The following CNTN4 variants were observed in gnomAD, a reference collection of about 807,000 sequenced individuals.
The protein encoded by CNTN4 is contactin 4.
A neutral mutation model predicts 122.5 loss-of-function variants in CNTN4; 77 were observed. That is an observed-to-expected ratio of 0.63 (90% CI 0.52 to 0.76). The LOEUF (loss-of-function observed/expected upper bound fraction) is 0.76. Ranked by LOEUF, CNTN4 falls within the 30% of genes least tolerant of loss-of-function variation. CNTN4 has a pLI of 0.00. For synonymous variants in CNTN4, 512 were observed against 447.0 expected, an observed-to-expected ratio of 1.15 and a Z score of -1.83; for missense variants, 1,256 against 1,259.1, an observed-to-expected ratio of 1.00 and a Z score of 0.04.
rs553016530 is a variant in CNTN4 at position 2,169,446 on chromosome 3, A to G, written c.-145+68807A>G. Among the ~76,000 whole-genome samples, 632 of 151,994 alleles carry G rather than the reference A, an allele frequency of 4.2e-3. 2 individuals carry two copies. The highest frequency in any genetic ancestry group is 0.014 in the Middle Eastern group (4 of 294). ...TTTTGAGACGGAGTCTGGCTCTGTC[A>G]CTCAGGCTGGAGTGCGGTGGCGCGA... On this transcript the variant is annotated intron_variant, in intron 2 of 24. Coordinates refer to ENST00000418658, the MANE Select transcript of CNTN4 (RefSeq NM_175607.3).
At chr3:3,053,746 G>C (rs575643548) in intron 23 of CNTN4, 61 bp from the exon 24 acceptor site, 3 of 1,554,546 alleles carry the variant, frequency 1.9e-6, no homozygotes, top group African/African-American at 1.4e-5. Flanking sequence ...ACAAATGAAT[G>C]CTCCATATTT....
At chr3:2,963,154 T>A (rs934481482) in intron 13 of CNTN4, among the ~76,000 whole-genome samples, 2 of 152,202 alleles carry the variant, frequency 1.3e-5, no homozygotes, top group Admixed American at 1.3e-4. Flanking sequence ...TCACCGTTTC[T>A]CTAGTCTATG....
At chr3:2,557,698 C>T (rs747930283) in intron 3 of CNTN4, among the ~76,000 whole-genome samples, 25 of 149,778 alleles carry the variant, frequency 1.7e-4, no homozygotes, top group Non-Finnish European at 2.7e-4. Context: ...CACTGCACTC[C>T]AGCCTGGGCA....
intron 3 of CNTN4, among the ~76,000 whole-genome samples, chr3:2,405,863 C>T (rs1194799303): frequency 6.6e-6 from 1 of 151,826 alleles, no homozygotes; most frequent in African/African-American, 2.4e-5. Context: ...TCTCTACCTA[C>T]AAGAAATACA....
intron 3 of CNTN4, among the ~76,000 whole-genome samples, chr3:2,550,416 G>A (rs931696664): frequency 2.6e-5 from 4 of 152,162 alleles, no homozygotes; most frequent in African/African-American, 9.7e-5. Flanking sequence ...TCTCACACCA[G>A]TTAGAATGGT....
intron 5 of CNTN4, among the ~76,000 whole-genome samples, chr3:2,740,026 G>C (rs2089369469): frequency 6.6e-6 from 1 of 151,776 alleles, no homozygotes; most frequent in Non-Finnish European, 1.5e-5. Flanking sequence ...TGTTTTCCAA[G>C]TACCTTTTTT....
At chr3:2,488,171 A>C (rs552673202) in intron 3 of CNTN4, among the ~76,000 whole-genome samples, 1 of 152,356 alleles carries the variant, frequency 6.6e-6, no homozygotes, top group Non-Finnish European at 1.5e-5. Context: ...TAATTATCTA[A>C]GATGTTTAGA....
intron 15 of CNTN4, among the ~76,000 whole-genome samples, chr3:3,030,572 C>T (rs1235729833): frequency 3.3e-5 from 5 of 152,202 alleles, no homozygotes; most frequent in Non-Finnish European, 5.9e-5. Flanking sequence ...GTACGTAGGA[C>T]TTATGTAGCA....
At chr3:2,866,680 A>G in intron 7 of CNTN4, 72 bp from the exon 8 acceptor site, 1 of 1,421,826 alleles carries the variant, frequency 7.0e-7, no homozygotes, top group Non-Finnish European at 9.9e-7. Context: ...TAACCTGATC[A>G]TTTCTTTCAT....
intron 14 of CNTN4, among the ~76,000 whole-genome samples, chr3:2,991,503 C>T (rs1020354415): frequency 6.6e-6 from 1 of 152,070 alleles, no homozygotes; most frequent in Non-Finnish European, 1.5e-5. Context: ...CAGGAGTTAA[C>T]AATCCTGTTA....
chr3:2,333,033 T>G (rs569812926), intron 2 of CNTN4, among the ~76,000 whole-genome samples: 1 of 152,308 alleles, frequency 6.6e-6, no homozygotes, highest in East Asian at 1.9e-4. Flanking sequence ...GGATGTCCTA[T>G]AGACTGGAGC....
At chr3:2,815,873 C>CATATATATATAT (rs58111735) in intron 6 of CNTN4, among the ~76,000 whole-genome samples, 7 of 141,278 alleles carry the variant, frequency 5.0e-5, no homozygotes, top group African/African-American at 1.8e-4. Flanking sequence ...GAAACTATGG[C>CATATATATATAT]ATATATATAT....
intron 6 of CNTN4, among the ~76,000 whole-genome samples, chr3:2,749,327 A>AG (rs1343891973): frequency 1.8e-5 from 1 of 55,168 alleles, no homozygotes; most frequent in East Asian, 4.9e-4. Context: ...TGCCCAGATA[A>AG]GTTTTTTTTT....
intron 3 of CNTN4, among the ~76,000 whole-genome samples, chr3:2,460,128 C>G (rs1410374552): frequency 1.3e-5 from 2 of 151,982 alleles, no homozygotes; most frequent in Non-Finnish European, 2.9e-5. Flanking sequence ...AGGTCTTTCA[C>G]TTTTTCTGGG....
intron 2 of CNTN4, among the ~76,000 whole-genome samples, chr3:2,317,677 A>G (rs2043150946): frequency 6.6e-6 from 1 of 152,168 alleles, no homozygotes; most frequent in Non-Finnish European, 1.5e-5. Context: ...AATTTTTCTC[A>G]CACAGTGCAG....
At chr3:2,240,801 C>T (rs1476124028) in intron 2 of CNTN4, among the ~76,000 whole-genome samples, 1 of 151,812 alleles carries the variant, frequency 6.6e-6, no homozygotes, top group Admixed American at 6.6e-5. Context: ...TTTGTAAATC[C>T]AGTGAGAATA....
At chr3:2,315,838 C>T (rs1046003481) in intron 2 of CNTN4, among the ~76,000 whole-genome samples, 1 of 151,988 alleles carries the variant, frequency 6.6e-6, no homozygotes, top group African/African-American at 2.4e-5. Flanking sequence ...AAAAATTTGG[C>T]TTAAAAAATT....
intron 6 of CNTN4, among the ~76,000 whole-genome samples, chr3:2,783,273 G>T (rs1014987558): frequency 1.3e-5 from 2 of 152,150 alleles, no homozygotes; most frequent in Non-Finnish European, 2.9e-5. Flanking sequence ...GGGTGACTAA[G>T]CAAGATTCTG....
chr3:2,568,439 G>A (rs1375174199), intron 3 of CNTN4, among the ~76,000 whole-genome samples: 1 of 151,136 alleles, frequency 6.6e-6, no homozygotes, highest in Non-Finnish European at 1.5e-5. Context: ...TAGGATTTAC[G>A]AGTCTCATTC....
Sources: gnomAD v4.1 joint callset for allele counts (sites outside exome capture counted in the v4.1 genomes callset) on GRCh38, gnomAD v4.1.1 for gene constraint, MANE v1.5 for transcripts, NCBI Gene and HGNC (gene_info 2026-07-23, HGNC 2026-07-21) for gene names.